The following NGEF variants were observed in gnomAD, a reference collection of about 807,000 sequenced individuals.
The protein encoded by NGEF is ephexin-1.
A neutral mutation model predicts 80.9 loss-of-function variants in NGEF; 31 were observed. The observed-to-expected ratio is 0.38, with a 90% confidence interval of 0.29 to 0.52. The LOEUF (loss-of-function observed/expected upper bound fraction) is 0.52. Among genes scored for constraint, NGEF ranks in the 20% least tolerant of loss-of-function variants. The pLI, the probability that NGEF is intolerant of heterozygous loss-of-function variation, is 0.84. For synonymous variants in NGEF, 371 were observed against 370.2 expected (o/e 1.00, Z -0.03); for missense variants, 709 against 926.2 (o/e 0.77, Z 3.04).
chr2:232,899,807 CTCTCAG>C (rs1475204081), intron 5 of NGEF, among the ~76,000 whole-genome samples: 1 of 149,300 alleles, frequency 6.7e-6, no homozygotes, highest in Non-Finnish European at 1.5e-5. Flanking sequence ...CACACACACG[CTCTCAG>C]TCACTCATAT....
chr2:232,882,539 G>C (rs1273827464), intron 12 of NGEF, among the ~76,000 whole-genome samples: 1 of 152,250 alleles, frequency 6.6e-6, no homozygotes, highest in African/African-American at 2.4e-5. Flanking sequence ...GAGCCCACAG[G>C]GTAACAAGTC....
In NGEF at chr2:232,879,633, G is replaced by A. The variant is rs1251924783; in HGVS notation, c.1989C>T (p.Phe663=). The A allele has an allele frequency of 1.2e-6, 2 of 1,613,404 alleles. No homozygotes were observed. Among genetic ancestry groups the A allele is most frequent in the Middle Eastern group, 1.7e-4 (1 of 6,060 alleles). ...ERLHDQERGW[F]PSSMTEEILN... ...AGATCTCCTCAGTCATGGAGCTGGG[G>A]AACCAGCCTCTCTCCTGGTCGTGCA... The change falls in exon 15 of 15, where the codon TTC becomes TTT. Residue 663 remains phenylalanine (F), a synonymous_variant. Coordinates refer to ENST00000264051, the MANE Select transcript of NGEF (RefSeq NM_019850.3).
At chr2:232,940,643 G>A (rs1457555794) in intron 3 of NGEF, among the ~76,000 whole-genome samples, 1 of 152,084 alleles carries the variant, frequency 6.6e-6, no homozygotes, top group Non-Finnish European at 1.5e-5. Flanking sequence ...GAATACTACA[G>A]CATTAAACAT....
rs988690651 is a variant in NGEF at position 232,988,053 on chromosome 2, G to C, written c.-74-13089C>G. 4.9e-4 allele frequency among the ~76,000 whole-genome samples: 73 copies of C among 149,916 alleles called. 2 individuals are homozygous for C. Among genetic ancestry groups the C allele is most frequent in the African/African-American group, 1.7e-3 (69 of 39,658 alleles). ...GATGGTCTCGTGTGTGTGTGTGTGT[G>C]TGTGTGTGTGTGTGTGTGTGTGTGT... On this transcript the variant is annotated intron_variant, in intron 1 of 14. Transcript: ENST00000264051.
chr2:232,926,913 G>A, intron 4 of NGEF, 131 bp downstream of exon 4: 1 of 1,195,494 alleles, frequency 8.4e-7, no homozygotes, highest in Non-Finnish European at 1.2e-6. Context: ...CATGTCAAAA[G>A]CTTTCCTTAC....
rs531440463 is a variant in NGEF, at chr2:232,943,240, T to TAA, written c.384-16056_384-16055dup. Among the ~76,000 whole-genome samples the TAA allele has an allele frequency of 1.8e-4, 26 of 145,578 alleles. No individual in the cohort carries two copies. In the South Asian group the frequency reaches 5.0e-3, roughly 28 times the overall value. On this transcript the variant is annotated intron_variant, in intron 3 of 14. Transcript: ENST00000264051. ...TCTATTTGAAATTAGCATTTGTTCT[T>TAA]AAAAAAAAAAAGAGTCTCTAACCTG...
intron 3 of NGEF, among the ~76,000 whole-genome samples, chr2:232,945,211 T>A (rs547405112): frequency 7.6e-4 from 116 of 152,174 alleles, no homozygotes; most frequent in South Asian, 1.9e-3. Context: ...AAAAATTTAG[T>A]TCAAGTAATT....
chr2:233,011,230 C>CA (rs1321652204), intron 1 of NGEF, among the ~76,000 whole-genome samples: 1 of 152,176 alleles, frequency 6.6e-6, no homozygotes, highest in African/African-American at 2.4e-5. Flanking sequence ...CAAAGCCTCA[C>CA]ACATACACTG....
intron 1 of NGEF, among the ~76,000 whole-genome samples, chr2:232,980,754 C>A (rs1305040281): frequency 6.6e-6 from 1 of 152,308 alleles, no homozygotes; most frequent in East Asian, 1.9e-4. Context: ...CCACCTCAGC[C>A]TCCCAGAGTG....
intron 1 of NGEF, among the ~76,000 whole-genome samples, chr2:232,999,407 G>A (rs1455562023): frequency 6.6e-6 from 1 of 152,176 alleles, no homozygotes; most frequent in Non-Finnish European, 1.5e-5. Flanking sequence ...GCTGCATTGT[G>A]TCGGGGACTG....
intron 14 of NGEF, 73 bp downstream of exon 14, chr2:232,881,073 T>C (rs926209628): frequency 3.2e-5 from 39 of 1,218,238 alleles, no homozygotes; most frequent in Non-Finnish European, 4.4e-5. Context: ...TGGCATCTGC[T>C]TCTCCCCCTC....
intron 9 of NGEF, 137 bp downstream of exon 9, chr2:232,887,896 A>G: frequency 1.4e-6 from 1 of 740,636 alleles, no homozygotes; most frequent in South Asian, 1.6e-5. Context: ...GACTCTTTTG[A>G]TTGCAAAAGT....
At chr2:232,919,935 C>T (rs1692899485) in intron 5 of NGEF, among the ~76,000 whole-genome samples, 2 of 152,208 alleles carry the variant, frequency 1.3e-5, no homozygotes, top group African/African-American at 4.8e-5. Flanking sequence ...GGAGCTATGG[C>T]ATAGTCACAG....
At chr2:232,960,491 A>AG (rs1461442321) in intron 3 of NGEF, among the ~76,000 whole-genome samples, 7 of 152,120 alleles carry the variant, frequency 4.6e-5, no homozygotes, top group African/African-American at 9.7e-5. Context: ...CAGCCTGGAA[A>AG]GGGGAGGTCA....
chr2:232,977,655 G>A (rs190016601), intron 1 of NGEF, among the ~76,000 whole-genome samples: 24 of 152,292 alleles, frequency 1.6e-4, no homozygotes, highest in African/African-American at 4.8e-4. Flanking sequence ...GATGATGTAG[G>A]CATTCATTGT....
chr2:232,934,417 T>C (rs1196947264), intron 3 of NGEF, among the ~76,000 whole-genome samples: 1 of 151,834 alleles, frequency 6.6e-6, no homozygotes, highest in Non-Finnish European at 1.5e-5. Flanking sequence ...AAAGAAAATA[T>C]TAAAGTGAAA....
chr2:232,914,460 T>C (rs1021810184), intron 5 of NGEF, among the ~76,000 whole-genome samples: 3 of 152,102 alleles, frequency 2.0e-5, no homozygotes, highest in Non-Finnish European at 4.4e-5. Context: ...CTCAGCACTT[T>C]GGGAGGCTGA....
chr2:232,919,870 G>C (rs533066727), intron 5 of NGEF, among the ~76,000 whole-genome samples: 136 of 152,290 alleles, frequency 8.9e-4, no homozygotes, highest in African/African-American at 3.2e-3. Context: ...AAAGTGGTGG[G>C]ATAAGATCGT....
At chr2:232,894,324 GCCTGA>G (rs1416277767) in intron 6 of NGEF, among the ~76,000 whole-genome samples, 1 of 152,246 alleles carries the variant, frequency 6.6e-6, no homozygotes, top group Non-Finnish European at 1.5e-5. Flanking sequence ...CCTGCACAGG[GCCTGA>G]GGCCCTGCAT....
Sources: gnomAD v4.1 joint callset for allele counts (sites outside exome capture counted in the v4.1 genomes callset) on GRCh38, gnomAD v4.1.1 for gene constraint, MANE v1.5 for transcripts, NCBI Gene and HGNC (gene_info 2026-07-23, HGNC 2026-07-21) for gene names.